NPSR1: variants seen among roughly 807,000 people sequenced by gnomAD.
NPSR1 encodes the protein neuropeptide S receptor 1, also known as neuropeptide S receptor.
NPSR1 carries 48 observed loss-of-function variants against 46.9 expected under a neutral mutation model. The observed-to-expected ratio is 1.02, with a 90% CI of 0.81 to 1.30. The LOEUF (loss-of-function observed/expected upper bound fraction) is 1.30, where lower values mean the gene tolerates loss of function less well. Ranked by LOEUF, NPSR1 falls within the 50% of genes most tolerant of loss-of-function variation. The probability of loss-of-function intolerance (pLI) is 0.00; values close to 1 mark genes in which losing one functional copy is unlikely to be tolerated. For synonymous variants in NPSR1, 176 were observed against 168.1 expected (o/e 1.05, Z -0.36); for missense variants, 450 against 449.5 (o/e 1.00, Z -0.01).
chr7:34,757,868 C>T (rs1217745016), intron 2 of NPSR1, among the ~76,000 whole-genome samples: 1 of 152,210 alleles, frequency 6.6e-6, no homozygotes, highest in Non-Finnish European at 1.5e-5. Flanking sequence ...GTATGGGGTA[C>T]AACAGCTCAG....
chr7:34,846,780 C>A (rs754166348), intron 7 of NPSR1, among the ~76,000 whole-genome samples: 2 of 152,162 alleles, frequency 1.3e-5, no homozygotes, highest in Admixed American at 6.5e-5. Flanking sequence ...AACAGAATTG[C>A]ATTTCTACAA....
intron 2 of NPSR1, among the ~76,000 whole-genome samples, chr7:34,770,876 T>C (rs1583985013): frequency 6.6e-6 from 1 of 152,152 alleles, no homozygotes; most frequent in South Asian, 2.1e-4. Context: ...TCCAAGATGG[T>C]GCCTTGCATG....
chr7:34,727,031 G>T (rs977563589), intron 2 of NPSR1, among the ~76,000 whole-genome samples: 1 of 152,132 alleles, frequency 6.6e-6, no homozygotes, highest in African/African-American at 2.4e-5. Flanking sequence ...ATGATGATGT[G>T]TCAATACAGG....
chr7:34,696,097 A>C lies in NPSR1; in HGVS notation c.280+11413A>C, dbSNP rs1050794714. 5.3e-5 allele frequency among the ~76,000 whole-genome samples: 8 copies of C among 151,732 alleles called. No individual in the cohort carries two copies. In the East Asian group the frequency reaches 7.7e-4, roughly 15 times the overall value. ...ATTTGATAAAAAAAAAAAAAAAAAA[A>C]ACTGCGGTATATATACACCATAGAA... On this transcript the variant is annotated intron_variant, in intron 2 of 8. Coordinates refer to ENST00000360581, the MANE Select transcript of NPSR1 (RefSeq NM_207172.2).
chr7:34,866,140 G>T (rs543021132), intron 8 of NPSR1, among the ~76,000 whole-genome samples: 7 of 151,874 alleles, frequency 4.6e-5, no homozygotes, highest in Admixed American at 1.3e-4. Flanking sequence ...TTGGACCTAC[G>T]TTTTGTCCCA....
chr7:34,797,656 C>G (rs1295625372), intron 3 of NPSR1, among the ~76,000 whole-genome samples: 2 of 152,098 alleles, frequency 1.3e-5, no homozygotes, highest in Middle Eastern at 3.4e-3. Context: ...TGGCAAACAC[C>G]AATCCAGAGA....
intron 2 of NPSR1, among the ~76,000 whole-genome samples, chr7:34,695,358 A>C (rs750241457): frequency 1.3e-5 from 2 of 152,058 alleles, no homozygotes; most frequent in Non-Finnish European, 2.9e-5. Context: ...TAAAAATCTT[A>C]GGGAAAAAAA....
At chr7:34,763,591 C>T (rs1786284260) in intron 2 of NPSR1, among the ~76,000 whole-genome samples, 1 of 152,076 alleles carries the variant, frequency 6.6e-6, no homozygotes, top group African/African-American at 2.4e-5. Flanking sequence ...GTGGGAATAA[C>T]CAAGCCAATC....
chr7:34,769,851 T>G (rs752968153), intron 2 of NPSR1, among the ~76,000 whole-genome samples: 1 of 152,224 alleles, frequency 6.6e-6, no homozygotes, highest in Non-Finnish European at 1.5e-5. Flanking sequence ...GACAAATTTT[T>G]AAAAGCAAGA....
At chr7:34,803,191 A>G (rs954167788) in intron 3 of NPSR1, among the ~76,000 whole-genome samples, 3 of 151,800 alleles carry the variant, frequency 2.0e-5, no homozygotes, top group African/African-American at 4.9e-5. Context: ...TAGAAATACC[A>G]TTTGACCCAG....
chr7:34,790,783 G>A (rs1323938297), intron 3 of NPSR1, among the ~76,000 whole-genome samples: 5 of 118,266 alleles, frequency 4.2e-5, no homozygotes, highest in African/African-American at 9.5e-5. Context: ...TATGTTATAT[G>A]TTATATATAT....
intron 2 of NPSR1, among the ~76,000 whole-genome samples, chr7:34,713,134 T>C (rs1389188608): frequency 6.6e-6 from 1 of 152,216 alleles, no homozygotes; most frequent in Non-Finnish European, 1.5e-5. Flanking sequence ...GAGCGGCTAC[T>C]GTTCTGATCA....
At chr7:34,784,462 T>C (rs953782754) in intron 3 of NPSR1, among the ~76,000 whole-genome samples, 27 of 152,214 alleles carry the variant, frequency 1.8e-4, no homozygotes, top group African/African-American at 5.8e-4. Context: ...TTGTCTTTGG[T>C]TCTGTTTATA....
chr7:34,677,144 G>A (rs908323957), intron 1 of NPSR1, among the ~76,000 whole-genome samples: 5 of 152,174 alleles, frequency 3.3e-5, no homozygotes, highest in Non-Finnish European at 5.9e-5. Flanking sequence ...ATGCAGATCT[G>A]AGCCCCGGGA....
chr7:34,685,247 C>T lies in NPSR1; in HGVS notation c.280+563C>T, dbSNP rs963477311. ...ATTCAGTAGAAGAGTGAGCACAGCA[C>T]ACCTAGTAGAGGAATGGTGAAATAT... On this transcript the variant is annotated intron_variant, in intron 2 of 8. Coordinates refer to ENST00000360581, the MANE Select transcript of NPSR1 (RefSeq NM_207172.2). 3.2e-4 allele frequency among the ~76,000 whole-genome samples: 49 copies of T among 152,090 alleles called. 1 individual carries two copies. Among genetic ancestry groups the T allele is most frequent in the African/African-American group, 1.2e-3 (49 of 41,410 alleles).
intron 4 of NPSR1, among the ~76,000 whole-genome samples, chr7:34,820,777 G>A (rs1465112813): frequency 6.6e-6 from 1 of 152,128 alleles, no homozygotes; most frequent in Non-Finnish European, 1.5e-5. Context: ...AATTTTTTCT[G>A]GTTGACAATT....
intron 2 of NPSR1, chr7:34,751,504 A>G: frequency 6.9e-7 from 1 of 1,440,216 alleles, no homozygotes; most frequent in Non-Finnish European, 9.8e-7. Context: ...TGCTGCCCCA[A>G]CCAGCCCCAG....
At chr7:34,669,975 TATAGA>T (rs1285960312) in intron 1 of NPSR1, among the ~76,000 whole-genome samples, 2 of 152,188 alleles carry the variant, frequency 1.3e-5, no homozygotes, top group Non-Finnish European at 2.9e-5. Context: ...TACTGAAATA[TATAGA>T]ATACATGGAA....
At chr7:34,716,104 C>T (rs555499922) in intron 2 of NPSR1, among the ~76,000 whole-genome samples, 20 of 152,260 alleles carry the variant, frequency 1.3e-4, no homozygotes, top group African/African-American at 4.6e-4. Context: ...CTGTCCAGGA[C>T]TCAGTATGCA....
Sources: allele counts gnomAD v4.1 joint callset (sites outside exome capture counted in the v4.1 genomes callset), GRCh38; gene constraint gnomAD v4.1.1; transcripts MANE v1.5; gene names NCBI Gene and HGNC (gene_info 2026-07-23, HGNC 2026-07-21).